OR11A1: variants seen among roughly 807,000 people sequenced by gnomAD.
The protein encoded by OR11A1 is olfactory receptor 11A1.
For missense variants in OR11A1, 380 were observed against 378.2 expected (o/e 1.00, Z -0.04); for synonymous variants, 158 against 152.2 (o/e 1.04, Z -0.28).
At chr6:29,430,117 G>A (rs1304456320) in intron 3 of OR11A1, among the ~76,000 whole-genome samples, 184 bp downstream of exon 3, 1 of 152,126 alleles carries the variant, frequency 6.6e-6, no homozygotes, top group African/African-American at 2.4e-5. Flanking sequence ...TTTTATAAGT[G>A]CTACTGTACC....
chr6:29,426,648 C>A lies in OR11A1; in HGVS notation c.*46G>T. The A allele has an allele frequency of 6.8e-7, 1 of 1,471,882 alleles. No individual in the cohort carries two copies. Among genetic ancestry groups the A allele is most frequent in the Non-Finnish European group, 9.3e-7 (1 of 1,075,870 alleles). 91.2% of individuals were successfully genotyped at this position (1,471,882 alleles called of 1,614,324 possible). On this transcript the variant is annotated 3_prime_UTR_variant, in exon 5 of 5. Transcript: ENST00000377149. ...CTCCAACCCATCCTGGAAGAGTCCC[C>A]AGTGGAGGTGTCCGAAGTCCAAAAT...
At chr6:29,445,056 G>A (rs757216881) in intron 1 of OR11A1, among the ~76,000 whole-genome samples, 51 of 152,246 alleles carry the variant, frequency 3.3e-4, no homozygotes, top group Non-Finnish European at 6.2e-4. Flanking sequence ...GCCCAGGCTA[G>A]AGTGCAGTGG....
intron 1 of OR11A1, among the ~76,000 whole-genome samples, chr6:29,441,479 C>T (rs1438797195): frequency 1.3e-5 from 2 of 152,056 alleles, no homozygotes; most frequent in African/African-American, 2.4e-5. Flanking sequence ...ATTCATATGC[C>T]GCAGAGGTTA....
At chr6:29,444,775 C>T (rs1027451348) in intron 1 of OR11A1, among the ~76,000 whole-genome samples, 2 of 152,132 alleles carry the variant, frequency 1.3e-5, no homozygotes, top group African/African-American at 4.8e-5. Context: ...ATTGAGTCTT[C>T]CCCCACTGTA....
chr6:29,439,410 G>A (rs56714680), intron 1 of OR11A1: 7,729 of 152,344 alleles, frequency 0.051, 381 homozygotes, highest in African/African-American at 0.12. Context: ...TAATGCTATA[G>A]GAGCTTAAAA....
intron 1 of OR11A1, among the ~76,000 whole-genome samples, chr6:29,445,485 G>A (rs1339160778): frequency 6.6e-6 from 1 of 152,184 alleles, no homozygotes; most frequent in Non-Finnish European, 1.5e-5. Context: ...AGACTCACCG[G>A]CTCACAAGGA....
At chr6:29,444,730 T>C (rs961652867) in intron 1 of OR11A1, among the ~76,000 whole-genome samples, 1 of 152,124 alleles carries the variant, frequency 6.6e-6, no homozygotes, top group Non-Finnish European at 1.5e-5. Context: ...CAAACACCAC[T>C]CAAAAGCTAG....
At chr6:29,454,850 G>T (rs1009854577) in intron 1 of OR11A1, among the ~76,000 whole-genome samples, 1 of 151,844 alleles carries the variant, frequency 6.6e-6, no homozygotes, top group Non-Finnish European at 1.5e-5. Context: ...ACCAGATATA[G>T]GTATAAAAAC....
At chr6:29,447,507 G>A (rs777955917) in intron 1 of OR11A1, among the ~76,000 whole-genome samples, 5 of 152,192 alleles carry the variant, frequency 3.3e-5, no homozygotes, top group African/African-American at 7.2e-5. Flanking sequence ...GAATTTGAAC[G>A]AGTGGTAGAA....
intron 1 of OR11A1, among the ~76,000 whole-genome samples, chr6:29,456,035 GC>G (rs1786159867): frequency 6.6e-6 from 1 of 152,032 alleles, no homozygotes; most frequent in South Asian, 2.1e-4. Context: ...TTCGAGATCA[GC>G]CTGGTCAATG....
chr6:29,444,651 G>T (rs1184787737), intron 1 of OR11A1, among the ~76,000 whole-genome samples: 1 of 137,486 alleles, frequency 7.3e-6, no homozygotes, highest in Non-Finnish European at 1.5e-5. Flanking sequence ...CTCCACCATA[G>T]ATAGCTACCA....
At chr6:29,438,728 A>G (rs560538526) in intron 1 of OR11A1, among the ~76,000 whole-genome samples, 1 of 152,336 alleles carries the variant, frequency 6.6e-6, no homozygotes. Flanking sequence ...CCCATTGGAA[A>G]GCCAAGAATG....
intron 1 of OR11A1, among the ~76,000 whole-genome samples, chr6:29,445,539 G>A (rs1784664515): frequency 6.6e-6 from 1 of 152,194 alleles, no homozygotes; most frequent in Admixed American, 6.5e-5. Flanking sequence ...CACAGGGCTT[G>A]GAGAAACCTC....
chr6:29,436,881 C>T (rs57149332), intron 1 of OR11A1, among the ~76,000 whole-genome samples: 7,714 of 152,302 alleles, frequency 0.051, 378 homozygotes, highest in African/African-American at 0.12. Context: ...GCCCGCAATC[C>T]TCTTCTCTCG....
At chr6:29,437,053 G>A (rs1479212783) in intron 1 of OR11A1, among the ~76,000 whole-genome samples, 3 of 152,232 alleles carry the variant, frequency 2.0e-5, no homozygotes, top group Non-Finnish European at 4.4e-5. Flanking sequence ...TGCTGGAGAG[G>A]ATGTGGAGAA....
chr6:29,456,544 G>C (rs547846803), intron 1 of OR11A1, among the ~76,000 whole-genome samples: 1 of 151,908 alleles, frequency 6.6e-6, no homozygotes, highest in Non-Finnish European at 1.5e-5. Flanking sequence ...AGCTATAAAA[G>C]CTATAATGAG....
intron 1 of OR11A1, among the ~76,000 whole-genome samples, chr6:29,455,288 A>G (rs958240859): frequency 1.3e-5 from 2 of 152,166 alleles, no homozygotes; most frequent in Non-Finnish European, 2.9e-5. Context: ...TGCAGAATAT[A>G]TGAAGAACTC....
At chr6:29,437,959 A>C (rs1256877458) in intron 1 of OR11A1, among the ~76,000 whole-genome samples, 1 of 152,206 alleles carries the variant, frequency 6.6e-6, no homozygotes. Context: ...ATAAATTTTC[A>C]TTCTCTTTGA....
Position 29,427,411 on chromosome 6 carries a change from G to A in OR11A1, c.231C>T (p.Ser77=), listed in dbSNP as rs184142053. 20 of 1,613,112 alleles carry A rather than the reference G, an allele frequency of 1.2e-5. No homozygotes were observed. The highest frequency in any genetic ancestry group is 1.2e-4 in the African/African-American group (9 of 75,054). ...NLSFLDILYT[S]AVMPKMLEGF... ...CCTCCAGCATTTTTGGCATCACTGC[G>A]GAGGTGTAGAGAATATCCAGGAAGG... Residue 77 remains serine (S), a synonymous_variant, in exon 5 of 5, where the codon TCC becomes TCT. Transcript: ENST00000377149.
Sources: allele counts gnomAD v4.1 joint callset (sites outside exome capture counted in the v4.1 genomes callset), GRCh38; gene constraint gnomAD v4.1.1; transcripts MANE v1.5; gene names NCBI Gene and HGNC (gene_info 2026-07-23, HGNC 2026-07-21).